Variants in TBC1D4 observed in about 807,000 individuals in gnomAD.
TBC1D4 encodes TBC1 domain family member 4.
In TBC1D4, 121 loss-of-function variants were observed where a neutral mutation model predicts 142.5. The ratio of observed to expected loss-of-function variants is 0.85; its 90% CI spans 0.73 to 0.99. The LOEUF (loss-of-function observed/expected upper bound fraction) is 0.99, where lower values mean the gene tolerates loss of function less well. Ranked by LOEUF, TBC1D4 falls within the 50% of genes least tolerant of loss-of-function variation. TBC1D4 has a pLI of 0.00. For synonymous variants in TBC1D4, 630 were observed against 628.2 expected, an observed-to-expected ratio of 1.00 and a Z score of -0.04; for missense variants, 1,475 against 1,606.6, an observed-to-expected ratio of 0.92 and a Z score of 1.40.
At chr13:75,404,284 G>C (rs555904197) in intron 1 of TBC1D4, among the ~76,000 whole-genome samples, 1 of 152,176 alleles carries the variant, frequency 6.6e-6, no homozygotes, top group Non-Finnish European at 1.5e-5. Flanking sequence ...TTACAGAAAA[G>C]GTGAAGATAG....
intron 2 of TBC1D4, among the ~76,000 whole-genome samples, chr13:75,361,308 A>G (rs1423331944): frequency 6.6e-6 from 1 of 151,812 alleles, no homozygotes; most frequent in African/African-American, 2.4e-5. Flanking sequence ...TCTTCTCTAG[A>G]AAAAAAGTCC....
chr13:75,443,612 C>T (rs1469539922), intron 1 of TBC1D4, among the ~76,000 whole-genome samples: 1 of 152,194 alleles, frequency 6.6e-6, no homozygotes, highest in Non-Finnish European at 1.5e-5. Flanking sequence ...TCTCTACATC[C>T]GTGATTCTCA....
At chr13:75,374,370 A>G (rs1002555687) in intron 1 of TBC1D4, among the ~76,000 whole-genome samples, 2 of 152,170 alleles carry the variant, frequency 1.3e-5, no homozygotes, top group African/African-American at 2.4e-5. Context: ...AATTTTATGT[A>G]TGTCAAACAT....
At chr13:75,402,390 A>G (rs1053919287) in intron 1 of TBC1D4, among the ~76,000 whole-genome samples, 2 of 152,152 alleles carry the variant, frequency 1.3e-5, no homozygotes, top group South Asian at 2.1e-4. Context: ...TCGTTGAAAC[A>G]TGCCAAAGGA....
intron 1 of TBC1D4, among the ~76,000 whole-genome samples, chr13:75,367,724 A>G (rs1246731080): frequency 6.8e-6 from 1 of 146,840 alleles, no homozygotes; most frequent in Admixed American, 6.9e-5. Context: ...TTAAGAAACC[A>G]TTAAGATTAG....
At chr13:75,338,490 G>A (rs1450620440) in intron 7 of TBC1D4, among the ~76,000 whole-genome samples, 2 of 152,128 alleles carry the variant, frequency 1.3e-5, no homozygotes, top group Non-Finnish European at 2.9e-5. Flanking sequence ...TGAAGGAAAG[G>A]AGAGCGTGAT....
intron 1 of TBC1D4, among the ~76,000 whole-genome samples, chr13:75,382,130 T>A (rs923543025): frequency 1.3e-5 from 2 of 152,148 alleles, no homozygotes; most frequent in Non-Finnish European, 2.9e-5. Context: ...TATCCTCACC[T>A]CCAGCCTCTC....
At chr13:75,403,684 T>C (rs915608085) in intron 1 of TBC1D4, among the ~76,000 whole-genome samples, 4 of 152,204 alleles carry the variant, frequency 2.6e-5, no homozygotes, top group Non-Finnish European at 4.4e-5. Context: ...TCTTCCTAGT[T>C]GCATTCTACA....
At chr13:75,389,279 T>C (rs1188803815) in intron 1 of TBC1D4, among the ~76,000 whole-genome samples, 3 of 152,252 alleles carry the variant, frequency 2.0e-5, no homozygotes, top group Non-Finnish European at 2.9e-5. Context: ...ATCATGTTCA[T>C]ATTAATGAGC....
intron 1 of TBC1D4, among the ~76,000 whole-genome samples, chr13:75,370,625 A>G (rs1341117015): frequency 1.3e-5 from 2 of 152,194 alleles, no homozygotes; most frequent in African/African-American, 4.8e-5. Flanking sequence ...GGCCACAGGA[A>G]TTAGAAAAAA....
intron 7 of TBC1D4, 92 bp downstream of exon 7, chr13:75,341,033 T>A: frequency 9.1e-7 from 1 of 1,093,460 alleles, no homozygotes; most frequent in Non-Finnish European, 1.4e-6. Context: ...TGATAGGACT[T>A]TAGCCCTAAA....
chr13:75,323,734 G>C (rs571819978), intron 11 of TBC1D4, among the ~76,000 whole-genome samples: 1 of 152,230 alleles, frequency 6.6e-6, no homozygotes, highest in East Asian at 1.9e-4. Flanking sequence ...TTTATATTGA[G>C]ATCCAGAAAA....
At chr13:75,297,543 C>T (rs139255750) in intron 17 of TBC1D4, among the ~76,000 whole-genome samples, 1 of 152,098 alleles carries the variant, frequency 6.6e-6, no homozygotes, top group Admixed American at 6.5e-5. Context: ...CACCTGAGGT[C>T]CGGAAGTTTG....
intron 1 of TBC1D4, among the ~76,000 whole-genome samples, chr13:75,424,212 G>C (rs1473517511): frequency 1.3e-5 from 2 of 150,206 alleles, no homozygotes; most frequent in African/African-American, 4.9e-5. Context: ...GTTTGAGGTT[G>C]CAGTGAGCTA....
At chr13:75,423,397 C>T (rs1886246578) in intron 1 of TBC1D4, among the ~76,000 whole-genome samples, 1 of 152,046 alleles carries the variant, frequency 6.6e-6, no homozygotes, top group Non-Finnish European at 1.5e-5. Context: ...TATAAGAAAG[C>T]ACTGTTTCTA....
intron 1 of TBC1D4, among the ~76,000 whole-genome samples, chr13:75,368,985 A>G (rs150260967): frequency 6.6e-6 from 1 of 152,148 alleles, no homozygotes. Flanking sequence ...CAGAGGTTGC[A>G]GTGAGCAGAG....
At chr13:75,409,404 G>T (rs995219903) in intron 1 of TBC1D4, among the ~76,000 whole-genome samples, 1 of 152,052 alleles carries the variant, frequency 6.6e-6, no homozygotes, top group African/African-American at 2.4e-5. Flanking sequence ...TTTAGAAATA[G>T]GAAAGTAATG....
chr13:75,298,039 C>T (rs1876132592), intron 17 of TBC1D4, among the ~76,000 whole-genome samples: 1 of 152,068 alleles, frequency 6.6e-6, no homozygotes, highest in South Asian at 2.1e-4. Flanking sequence ...ACTAAAAATA[C>T]AATTCTTTTG....
intron 1 of TBC1D4, among the ~76,000 whole-genome samples, chr13:75,404,940 G>A (rs1885258254): frequency 6.6e-6 from 1 of 152,150 alleles, no homozygotes; most frequent in African/African-American, 2.4e-5. Context: ...CAGCAGCCGT[G>A]CAATTGATTT....
Sources: allele counts gnomAD v4.1 joint callset (sites outside exome capture counted in the v4.1 genomes callset), GRCh38; gene constraint gnomAD v4.1.1; transcripts MANE v1.5; gene names NCBI Gene and HGNC (gene_info 2026-07-23, HGNC 2026-07-21).